DSCAML1: variants seen among roughly 807,000 people sequenced by gnomAD.
DSCAML1 encodes the protein DS cell adhesion molecule like 1.
In DSCAML1, 38 loss-of-function variants were observed where a neutral mutation model predicts 200.5. The ratio of observed to expected loss-of-function variants is 0.19; its 90% CI spans 0.15 to 0.25. The LOEUF is 0.25. Among genes scored for constraint, DSCAML1 ranks in the 10% least tolerant of loss-of-function variants. The pLI is 1.00. For missense variants in DSCAML1, 2,223 were observed against 2,858.8 expected (o/e 0.78, Z 5.07); for synonymous variants, 1,215 against 1,165.0 (o/e 1.04, Z -0.87).
At chr11:117,735,301 A>G (rs907133681) in intron 3 of DSCAML1, among the ~76,000 whole-genome samples, 3 of 152,228 alleles carry the variant, frequency 2.0e-5, no homozygotes, top group Non-Finnish European at 4.4e-5. Flanking sequence ...CAGCAGAGCC[A>G]TGGGGCTGGT....
intron 11 of DSCAML1, among the ~76,000 whole-genome samples, chr11:117,501,416 G>C (rs2049392027): frequency 6.6e-6 from 1 of 152,082 alleles, no homozygotes; most frequent in East Asian, 1.9e-4. Context: ...GCAGATTCAC[G>C]CAGGCTGCTA....
chr11:117,591,542 TTC>T (rs1261574468), intron 3 of DSCAML1, among the ~76,000 whole-genome samples: 3 of 152,340 alleles, frequency 2.0e-5, no homozygotes, highest in Non-Finnish European at 2.9e-5. Context: ...ATTTGTAATA[TTC>T]TCTGTCTGGG....
Position 117,428,693 on chromosome 11 carries a change from G to A in DSCAML1, c.5797C>T (p.Leu1933=), listed in dbSNP as rs1805505915. ...VPPREASIRN[L]ARTYHTQARH... is the part of the protein sequence containing the mutation. ...GCCTGGGTGTGGTAGGTTCGAGCCA[G>A]GTTCCGGATGGAGGCCTCACGGGGT... is the stretch of plus-strand genomic sequence containing the variant. The change falls in exon 33 of 33, where the codon CTG becomes TTG. Residue 1933 remains leucine, a synonymous_variant. Coordinates refer to ENST00000651296, the MANE Select transcript of DSCAML1 (RefSeq NM_020693.4). 7 of 1,613,144 alleles carry A rather than the reference G, an allele frequency of 4.3e-6. No individual in the cohort carries two copies. Among genetic ancestry groups the A allele is most frequent in the Non-Finnish European group, 5.9e-6 (7 of 1,179,724 alleles).
In DSCAML1 at chr11:117,546,265, G is replaced by A. The variant is rs561748799; in HGVS notation, c.512-13743C>T. ...GAGAACCCAGCTCTGCAGTCAGAAG[G>A]CTTGGATTGGACTTGGGTTCTCCTG... On this transcript the variant is annotated intron_variant, in intron 3 of 32. Coordinates refer to ENST00000651296, the MANE Select transcript of DSCAML1 (RefSeq NM_020693.4). Among the ~76,000 whole-genome samples the A allele has an allele frequency of 3.9e-5, 6 of 152,312 alleles. No individual in the cohort carries two copies. In the East Asian group the frequency reaches 1.2e-3, roughly 29 times the overall value.
intron 3 of DSCAML1, among the ~76,000 whole-genome samples, chr11:117,582,089 T>A (rs1488375411): frequency 6.6e-6 from 1 of 152,062 alleles, no homozygotes; most frequent in East Asian, 1.9e-4. Flanking sequence ...CAGGAATGAG[T>A]TCAGGGGACA....
At chr11:117,578,236 GAAA>G (rs59533726) in intron 3 of DSCAML1, among the ~76,000 whole-genome samples, 129 of 101,390 alleles carry the variant, frequency 1.3e-3, no homozygotes, top group East Asian at 2.2e-3. Context: ...ACTCTGTCTC[GAAA>G]AAAAAAAAAA....
chr11:117,451,702 C>G (rs1370331730), intron 19 of DSCAML1, among the ~76,000 whole-genome samples: 2 of 151,946 alleles, frequency 1.3e-5, no homozygotes, highest in East Asian at 3.9e-4. Flanking sequence ...GTTTTCCCAG[C>G]TACTAGGGAG....
Position 117,588,999 on chromosome 11 carries a change from G to C in DSCAML1, c.512-56477C>G, listed in dbSNP as rs190873473. ...ACCCAAATAAAATAAGGACACACAG[G>C]GGGAGAGGCTGCTACAAAGAAAAAC... On this transcript the variant is annotated intron_variant, in intron 3 of 32. Transcript: ENST00000651296. Among the ~76,000 whole-genome samples, 403 of 152,300 alleles carry C rather than the reference G, an allele frequency of 2.6e-3. 4 individuals carry two copies. Among genetic ancestry groups the C allele is most frequent in the African/African-American group, 9.1e-3 (377 of 41,566 alleles).
intron 19 of DSCAML1, among the ~76,000 whole-genome samples, chr11:117,453,216 T>C (rs961485734): frequency 6.6e-6 from 1 of 152,248 alleles, no homozygotes; most frequent in Non-Finnish European, 1.5e-5. Flanking sequence ...ACTACAGGCT[T>C]GAGCCACCAT....
intron 3 of DSCAML1, among the ~76,000 whole-genome samples, chr11:117,697,015 T>C (rs1469617745): frequency 1.3e-5 from 2 of 152,244 alleles, no homozygotes; most frequent in Non-Finnish European, 2.9e-5. Context: ...TTCTATTTGC[T>C]AGGAACTTCC....
chr11:117,479,585 C>T (rs557258453), intron 14 of DSCAML1, among the ~76,000 whole-genome samples: 2 of 152,322 alleles, frequency 1.3e-5, no homozygotes, highest in South Asian at 2.1e-4. Flanking sequence ...CCCACAGTGC[C>T]TCACAGTGGC....
chr11:117,438,034 C>T lies in DSCAML1; in HGVS notation c.4293G>A (p.Val1431=), dbSNP rs1454959751. The change falls in exon 25 of 33, where the codon GTG becomes GTA. Residue 1431 remains valine, a synonymous_variant. Transcript: ENST00000651296. ...SVDNSEEWKD[V]FISSSERSFK... ...AGGAGCGCTCGCTGGAGCTGATGAACACATCCTTCCACTCCTCGCTGTTGT... is the reference window on the plus strand; with the variant it reads ...AGGAGCGCTCGCTGGAGCTGATGAATACATCCTTCCACTCCTCGCTGTTGT... 1 of 1,613,942 alleles carries T rather than the reference C, an allele frequency of 6.2e-7. No individual in the cohort carries two copies.
intron 3 of DSCAML1, among the ~76,000 whole-genome samples, chr11:117,632,404 T>A (rs922119593): frequency 6.6e-6 from 1 of 152,192 alleles, no homozygotes; most frequent in Non-Finnish European, 1.5e-5. Flanking sequence ...CCTAAGCCTG[T>A]AGGCACCTGA....
Position 117,463,589 on chromosome 11 carries a change from A to C in DSCAML1, c.3265+1353T>G, listed in dbSNP as rs531085568. ...GCTCAAATGAACACTCCTGGCACTA[A>C]GAGGAGACAAGCTGATCTTCCTCAA... On this transcript the variant is annotated intron_variant, in intron 17 of 32. Transcript: ENST00000651296. The surrounding 1 kb of genome is among the most constrained non-coding windows in gnomAD (Gnocchi z 4.0). 3.9e-5 allele frequency among the ~76,000 whole-genome samples: 6 copies of C among 152,280 alleles called. No homozygotes were observed. The South Asian group carries it at 1.2e-3, about 32-fold the overall frequency.
At chr11:117,690,427 G>T (rs1226207522) in intron 3 of DSCAML1, among the ~76,000 whole-genome samples, 1 of 152,248 alleles carries the variant, frequency 6.6e-6, no homozygotes. Flanking sequence ...GCACCCACGG[G>T]TCTCCAAGCT....
At chr11:117,542,202 A>G (rs112671775) in intron 3 of DSCAML1, among the ~76,000 whole-genome samples, 283 of 152,242 alleles carry the variant, frequency 1.9e-3, no homozygotes, top group Non-Finnish European at 3.1e-3. Context: ...TCAGCTACTC[A>G]GAAGGCTGAG....
At chr11:117,783,445 T>TAATAGC (rs2055297568) in intron 1 of DSCAML1, among the ~76,000 whole-genome samples, 1 of 152,162 alleles carries the variant, frequency 6.6e-6, no homozygotes, top group South Asian at 2.1e-4. Context: ...ATGATAATAG[T>TAATAGC]AATAGCAATA....
At chr11:117,711,458 G>C (rs2053847922) in intron 3 of DSCAML1, among the ~76,000 whole-genome samples, 1 of 152,180 alleles carries the variant, frequency 6.6e-6, no homozygotes. Context: ...TGGCTTAGGT[G>C]AAGGTTCAGG....
chr11:117,563,680 G>A (rs766352271), intron 3 of DSCAML1, among the ~76,000 whole-genome samples: 2 of 152,132 alleles, frequency 1.3e-5, no homozygotes, highest in Non-Finnish European at 2.9e-5. Flanking sequence ...TGTAAGTGGT[G>A]GGGAGAAGAC....
Sources: gnomAD v4.1 joint callset for allele counts (sites outside exome capture counted in the v4.1 genomes callset) on GRCh38, gnomAD v4.1.1 for gene constraint, Gnocchi (gnomAD v3.1) non-coding constraint, MANE v1.5 for transcripts, NCBI Gene and HGNC (gene_info 2026-07-23, HGNC 2026-07-21) for gene names.